RBM47: variants seen among roughly 807,000 people sequenced by gnomAD.
The protein encoded by RBM47 is RNA-binding protein 47.
RBM47 carries 21 observed loss-of-function variants against 47.1 expected under a neutral mutation model. The observed-to-expected ratio is 0.45, with a 90% confidence interval of 0.32 to 0.64. RBM47 has a LOEUF of 0.64. Ranked by LOEUF, RBM47 falls within the 30% of genes least tolerant of loss-of-function variation. RBM47 has a pLI of 0.05. For missense variants in RBM47, 708 were observed against 870.9 expected (o/e 0.81, Z 2.35); for synonymous variants, 375 against 361.7 (o/e 1.04, Z -0.42).
At chr4:40,568,428 C>CAAAAA (rs35434439) in intron 1 of RBM47, among the ~76,000 whole-genome samples, 1 of 57,574 alleles carries the variant, frequency 1.7e-5, no homozygotes, top group Non-Finnish European at 3.3e-5. Flanking sequence ...AACCCTGTCT[C>CAAAAA]AAAAAAAAAA....
chr4:40,622,552 C>T (rs1000714115), intron 1 of RBM47, among the ~76,000 whole-genome samples: 2 of 152,222 alleles, frequency 1.3e-5, no homozygotes, highest in South Asian at 2.1e-4. Context: ...AGAAAGTTTT[C>T]GGCAGGGGAC....
chr4:40,535,528 C>T (rs955910906), intron 2 of RBM47, among the ~76,000 whole-genome samples: 4 of 150,868 alleles, frequency 2.7e-5, no homozygotes, highest in Non-Finnish European at 4.4e-5. Context: ...CCCACCACCA[C>T]GTCTGGCTAA....
intron 1 of RBM47, among the ~76,000 whole-genome samples, chr4:40,589,224 T>C (rs1345424742): frequency 2.0e-5 from 3 of 151,592 alleles, no homozygotes; most frequent in African/African-American, 7.3e-5. Context: ...TGCCTTAGCC[T>C]CCCAAAGTCC....
At chr4:40,619,415 T>C (rs1560509200) in intron 1 of RBM47, among the ~76,000 whole-genome samples, 1 of 152,006 alleles carries the variant, frequency 6.6e-6, no homozygotes, top group Non-Finnish European at 1.5e-5. Context: ...GTCAGGGTTG[T>C]CTTTTAAGAA....
Position 40,438,925 on chromosome 4 carries a change from C to CT in RBM47, c.-31-2dup, listed in dbSNP as rs1713190609. ...AAAGGCATCCACAGCTGGCGGAAAC[C>CT]TGGGGAAGCAGAAAGAAGCGTGAGT... On this transcript the variant is annotated splice_acceptor_variant, in intron 3 of 6. Coordinates refer to ENST00000295971, the MANE Select transcript of RBM47 (RefSeq NM_001098634.2). LOFTEE classifies it low-confidence loss of function (5UTR_SPLICE). The CT allele has an allele frequency of 6.7e-7, 1 of 1,499,206 alleles. No homozygotes were observed. Among genetic ancestry groups the CT allele is most frequent in the Non-Finnish European group, 8.9e-7 (1 of 1,126,734 alleles). 92.9% of individuals were successfully genotyped at this position (1,499,206 alleles called of 1,614,324 possible).
intron 3 of RBM47, among the ~76,000 whole-genome samples, chr4:40,451,126 C>G (rs571485220): frequency 6.9e-6 from 1 of 145,776 alleles, no homozygotes; most frequent in Non-Finnish European, 1.5e-5. Flanking sequence ...GTGGGAGGAT[C>G]GCTGGAGCCC....
chr4:40,434,806 C>A (rs1439785976), intron 5 of RBM47, among the ~76,000 whole-genome samples: 4 of 151,652 alleles, frequency 2.6e-5, no homozygotes, highest in Non-Finnish European at 5.9e-5. Context: ...GTACCTATGT[C>A]CCAAATGCAC....
chr4:40,613,139 G>A lies in RBM47; in HGVS notation c.-240+16257C>T, dbSNP rs536452822. ...TGTGTTCATTTAATATAAGTGTCTC[G>A]CCATGAAGCTGAAAGCACTGTACAA... is the stretch of plus-strand genomic sequence containing the variant. On this transcript the variant is annotated intron_variant, in intron 1 of 6. Transcript: ENST00000295971. Among the ~76,000 whole-genome samples, 502 of 152,202 alleles carry A rather than the reference G, an allele frequency of 3.3e-3. 2 individuals are homozygous for A. Among genetic ancestry groups the A allele is most frequent in the Non-Finnish European group, 5.7e-3 (390 of 68,016 alleles).
intron 2 of RBM47, among the ~76,000 whole-genome samples, chr4:40,536,560 TTTTC>T (rs1728001538): frequency 6.6e-6 from 1 of 152,152 alleles, no homozygotes; most frequent in Non-Finnish European, 1.5e-5. Flanking sequence ...ATGCCCACAA[TTTTC>T]TTTTTCTTCC....
In RBM47 at chr4:40,484,275, CAT is replaced by C. The variant is rs1201714940; in HGVS notation, c.-154-17578_-154-17577del. Among the ~76,000 whole-genome samples, 5 of 152,210 alleles carry C rather than the reference CAT, an allele frequency of 3.3e-5. No individual in the cohort carries two copies. In the East Asian group the frequency reaches 9.7e-4, roughly 29 times the overall value. The stretch of plus-strand genomic sequence containing the variant: ...ACACATGTATGTTAAATATCTGTAA[CAT>C]ATATGACTTTGATCAGCAAAATTTT... On this transcript the variant is annotated intron_variant, in intron 2 of 6. Coordinates refer to ENST00000295971, the MANE Select transcript of RBM47 (RefSeq NM_001098634.2).
chr4:40,540,250 G>A lies in RBM47; in HGVS notation c.-155+4172C>T, dbSNP rs1728380270. Reference sequence around the variant, plus strand: ...CTCAAAACATCACTATGTACCTCATGAGTATGTACAATTATCATTTGTCAA... The same window carrying A: ...CTCAAAACATCACTATGTACCTCATAAGTATGTACAATTATCATTTGTCAA... On this transcript the variant is annotated intron_variant, in intron 2 of 6. Coordinates refer to ENST00000295971, the MANE Select transcript of RBM47 (RefSeq NM_001098634.2). Among the ~76,000 whole-genome samples, 4 of 152,068 alleles carry A rather than the reference G, an allele frequency of 2.6e-5. No homozygotes were observed. The South Asian group carries it at 6.3e-4, about 24-fold the overall frequency.
intron 1 of RBM47, among the ~76,000 whole-genome samples, chr4:40,600,085 G>A (rs1032973491): frequency 6.6e-6 from 1 of 151,930 alleles, no homozygotes; most frequent in Non-Finnish European, 1.5e-5. Flanking sequence ...ATAGCTCACT[G>A]CGGCCTTGAC....
intron 2 of RBM47, among the ~76,000 whole-genome samples, chr4:40,497,443 C>G (rs936881857): frequency 2.0e-5 from 3 of 151,578 alleles, no homozygotes; most frequent in African/African-American, 7.3e-5. Context: ...CATAGTGGGA[C>G]CCCCTTCTCT....
chr4:40,561,643 G>A (rs540065651), intron 1 of RBM47, among the ~76,000 whole-genome samples: 1 of 149,026 alleles, frequency 6.7e-6, no homozygotes, highest in African/African-American at 2.5e-5. Flanking sequence ...TCCACCTCCT[G>A]GGCTCAGGTG....
intron 1 of RBM47, among the ~76,000 whole-genome samples, chr4:40,616,761 C>A (rs538133088): frequency 6.6e-6 from 1 of 151,886 alleles, no homozygotes; most frequent in South Asian, 2.1e-4. Flanking sequence ...AATACATTTA[C>A]GTGTTCTAAT....
At chr4:40,465,431 G>A (rs1577702355) in intron 3 of RBM47, among the ~76,000 whole-genome samples, 1 of 152,134 alleles carries the variant, frequency 6.6e-6, no homozygotes, top group Non-Finnish European at 1.5e-5. Context: ...AGGCCGAGGA[G>A]GGCAGATTGC....
At chr4:40,606,104 A>AG (rs1735735178) in intron 1 of RBM47, among the ~76,000 whole-genome samples, 1 of 151,318 alleles carries the variant, frequency 6.6e-6, no homozygotes, top group Non-Finnish European at 1.5e-5. Flanking sequence ...AGGCTGAGGC[A>AG]GGAGAGTCTC....
intron 2 of RBM47, among the ~76,000 whole-genome samples, chr4:40,471,693 CAAA>C (rs540788362): frequency 3.7e-5 from 4 of 106,816 alleles, no homozygotes; most frequent in East Asian, 2.7e-4. Context: ...AACTCCACCT[CAAA>C]AAAAAAAAAA....
At chr4:40,584,943 C>T (rs914214565) in intron 1 of RBM47, among the ~76,000 whole-genome samples, 1 of 152,108 alleles carries the variant, frequency 6.6e-6, no homozygotes, top group African/African-American at 2.4e-5. Flanking sequence ...GCTAGTGATA[C>T]AAAGAATCTG....
Sources: allele counts gnomAD v4.1 joint callset (sites outside exome capture counted in the v4.1 genomes callset), GRCh38; gene constraint gnomAD v4.1.1; transcripts MANE v1.5; gene names NCBI Gene and HGNC (gene_info 2026-07-23, HGNC 2026-07-21).